Variants in SHISA9 observed in about 807,000 individuals in gnomAD.
SHISA9 encodes the protein protein shisa-9.
SHISA9 carries 13 observed loss-of-function variants against 38.0 expected under a neutral mutation model. The ratio of observed to expected loss-of-function variants is 0.34; its 90% CI spans 0.22 to 0.54. The LOEUF (loss-of-function observed/expected upper bound fraction) is 0.54, where lower values mean the gene tolerates loss of function less well. Among genes scored for constraint, SHISA9 ranks in the 20% least tolerant of loss-of-function variants. The probability of loss-of-function intolerance (pLI) is 0.91; values close to 1 mark genes in which losing one functional copy is unlikely to be tolerated. For missense variants in SHISA9, 538 were observed against 575.8 expected, an observed-to-expected ratio of 0.93 and a Z score of 0.67; for synonymous variants, 275 against 242.0, an observed-to-expected ratio of 1.14 and a Z score of -1.27.
At chr16:13,188,716 CAAAAAAAAA>C (rs35558481) in intron 2 of SHISA9, among the ~76,000 whole-genome samples, 2 of 79,340 alleles carry the variant, frequency 2.5e-5, no homozygotes, top group African/African-American at 1.0e-4. Flanking sequence ...GACCCTGTTT[CAAAAAAAAA>C]AAAAAAAAAA....
At chr16:13,420,427 C>T in the SHISA9 span, among the ~76,000 whole-genome samples, 1 of 151,914 alleles carries the variant, frequency 6.6e-6, no homozygotes, top group Non-Finnish European at 1.5e-5. Flanking sequence ...GGGATGGAAG[C>T]TATCACAGGA....
chr16:13,019,659 T>A (rs949618208), intron 2 of SHISA9, among the ~76,000 whole-genome samples: 1 of 152,050 alleles, frequency 6.6e-6, no homozygotes, highest in Non-Finnish European at 1.5e-5. Flanking sequence ...GTTTGGTACA[T>A]AGGTAAACTT....
intron 1 of SHISA9, chr16:12,908,659 G>A (rs2141710517): frequency 6.5e-7 from 1 of 1,546,190 alleles, no homozygotes; most frequent in East Asian, 2.5e-5. Flanking sequence ...TCAGATCACA[G>A]AGAAGTACGC....
chr16:13,276,275 T>TATATATATAG, the SHISA9 span, among the ~76,000 whole-genome samples: 1 of 151,696 alleles, frequency 6.6e-6, no homozygotes, highest in African/African-American at 2.4e-5. Context: ...TAGTATTCCA[T>TATATATATAG]CATATATATA....
chr16:13,022,802 A>G (rs550761613), intron 2 of SHISA9, among the ~76,000 whole-genome samples: 1 of 151,536 alleles, frequency 6.6e-6, no homozygotes, highest in Non-Finnish European at 1.5e-5. Flanking sequence ...GGGTATCACT[A>G]TGCTGCCCAG....
the SHISA9 span, among the ~76,000 whole-genome samples, chr16:13,272,826 C>T: frequency 6.6e-6 from 1 of 152,158 alleles, no homozygotes; most frequent in African/African-American, 2.4e-5. Context: ...TTACAATCTA[C>T]CCCATCCCAT....
chr16:13,165,656 CCTCT>C (rs994686966), intron 2 of SHISA9, among the ~76,000 whole-genome samples: 1 of 152,186 alleles, frequency 6.6e-6, no homozygotes, highest in African/African-American at 2.4e-5. Context: ...TAATGTCTTT[CCTCT>C]CTGTCTTCAG....
At chr16:13,536,603 TA>T in the SHISA9 span, among the ~76,000 whole-genome samples, 3 of 152,134 alleles carry the variant, frequency 2.0e-5, no homozygotes, top group Non-Finnish European at 4.4e-5. Context: ...GCGGAATGGT[TA>T]AAAAGACTAG....
chr16:13,368,247 A>T, the SHISA9 span, among the ~76,000 whole-genome samples: 3 of 152,104 alleles, frequency 2.0e-5, no homozygotes, highest in Admixed American at 1.3e-4. Flanking sequence ...ACCCTTGGAG[A>T]GCTAGAGGTG....
the SHISA9 span, among the ~76,000 whole-genome samples, chr16:13,247,616 A>G: frequency 6.6e-6 from 1 of 152,248 alleles, no homozygotes; most frequent in Non-Finnish European, 1.5e-5. Flanking sequence ...TTTGTGGAAG[A>G]AAAATGTCTT....
At chr16:13,168,127 C>T (rs2050653652) in intron 2 of SHISA9, among the ~76,000 whole-genome samples, 1 of 152,158 alleles carries the variant, frequency 6.6e-6, no homozygotes, top group Admixed American at 6.5e-5. Context: ...TAACTTCAAG[C>T]GTGACTGTCT....
chr16:13,009,388 G>A (rs1300131334), intron 2 of SHISA9, among the ~76,000 whole-genome samples: 1 of 152,160 alleles, frequency 6.6e-6, no homozygotes, highest in Non-Finnish European at 1.5e-5. Flanking sequence ...GCACAGAGAT[G>A]AGAATGCACA....
rs201669823 is a variant in SHISA9 at position 12,923,839 on chromosome 16, TC to T, written c.691+7026del. On this transcript the variant is annotated intron_variant, in intron 2 of 4. Coordinates refer to ENST00000558583, the MANE Select transcript of SHISA9 (RefSeq NM_001145204.3). ...CTGGGCAACAGAGCAAGACTCCATCTCCAAAAAAAAAAAATTAGAGGAGTTA... is the reference window on the plus strand; with the variant it reads ...CTGGGCAACAGAGCAAGACTCCATCTCAAAAAAAAAAAATTAGAGGAGTTA... Among the ~76,000 whole-genome samples the T allele has an allele frequency of 9.8e-3, 1,459 of 148,274 alleles. 8 individuals carry two copies. The highest frequency in any genetic ancestry group is 0.048 in the Middle Eastern group (14 of 290).
chr16:13,023,617 C>G (rs938620346), intron 2 of SHISA9, among the ~76,000 whole-genome samples: 1 of 152,212 alleles, frequency 6.6e-6, no homozygotes, highest in African/African-American at 2.4e-5. Flanking sequence ...AATGGTTGAA[C>G]TAATTTACAC....
At chr16:13,544,323 C>T in the SHISA9 span, among the ~76,000 whole-genome samples, 1 of 148,558 alleles carries the variant, frequency 6.7e-6, no homozygotes, top group South Asian at 2.1e-4. Context: ...GGTAAAGTAC[C>T]AGTTAATTCA....
chr16:13,052,465 C>T (rs2073264021), intron 2 of SHISA9, among the ~76,000 whole-genome samples: 1 of 152,190 alleles, frequency 6.6e-6, no homozygotes, highest in Admixed American at 6.5e-5. Flanking sequence ...AGGAGAGATT[C>T]CTCCCTTGTC....
chr16:12,995,489 T>C (rs185199536), intron 2 of SHISA9, among the ~76,000 whole-genome samples: 5 of 152,224 alleles, frequency 3.3e-5, no homozygotes, highest in African/African-American at 2.4e-5. Flanking sequence ...GATTCAATGG[T>C]GGGGTTCTAT....
the SHISA9 span, among the ~76,000 whole-genome samples, chr16:13,529,141 A>C: frequency 1.6e-4 from 24 of 152,310 alleles, no homozygotes; most frequent in African/African-American, 4.3e-4. Flanking sequence ...ACAATTAACC[A>C]GAGTGAATGT....
intron 2 of SHISA9, among the ~76,000 whole-genome samples, chr16:13,023,052 G>A (rs544375444): frequency 6.6e-6 from 1 of 152,078 alleles, no homozygotes; most frequent in South Asian, 2.1e-4. Context: ...TAAGTTCTAG[G>A]GTACATGTGC....
Sources: allele counts gnomAD v4.1 joint callset (sites outside exome capture counted in the v4.1 genomes callset), GRCh38; gene constraint gnomAD v4.1.1; transcripts MANE v1.5; gene names NCBI Gene and HGNC (gene_info 2026-07-23, HGNC 2026-07-21).